Variants in ENOX2 observed in about 807,000 individuals in gnomAD.
ENOX2 encodes the protein APK1 antigen.
In ENOX2, 36 loss-of-function variants were observed where a neutral mutation model predicts 45.0. The observed-to-expected ratio is 0.80, with a 90% CI of 0.61 to 1.06. The LOEUF (loss-of-function observed/expected upper bound fraction) is 1.06, where lower values mean the gene tolerates loss of function less well. Among genes scored for constraint, ENOX2 ranks in the 50% least tolerant of loss-of-function variants. ENOX2 has a pLI of 0.00. For missense variants in ENOX2, 423 were observed against 462.5 expected, an observed-to-expected ratio of 0.91 and a Z score of 0.78; for synonymous variants, 174 against 152.3, an observed-to-expected ratio of 1.14 and a Z score of -1.05.
At chrX:130,678,678 T>C (rs1478246617) in intron 6 of ENOX2, among the ~76,000 whole-genome samples, 2 of 110,671 alleles carry the variant, frequency 1.8e-5, no homozygotes, top group Non-Finnish European at 3.8e-5. Context: ...ACCTTAACCT[T>C]TTTTATCTTC....
intron 10 of ENOX2, among the ~76,000 whole-genome samples, chrX:130,647,138 T>C (rs1191367131): frequency 8.9e-6 from 1 of 112,063 alleles, no homozygotes; most frequent in Non-Finnish European, 1.9e-5. Context: ...TAACTTCTCA[T>C]CCTGGAGAAA....
chrX:130,898,169 G>A (rs920549274), intron 2 of ENOX2, among the ~76,000 whole-genome samples: 9 of 110,653 alleles, frequency 8.1e-5, no homozygotes. Flanking sequence ...CATCACGCCC[G>A]GCTAATTTTT....
chrX:130,831,384 T>C, intron 2 of ENOX2, among the ~76,000 whole-genome samples: 1 of 111,745 alleles, frequency 8.9e-6, no homozygotes, highest in Non-Finnish European at 1.9e-5. Context: ...GCTTAAAATC[T>C]TTCTATGGAT....
intron 4 of ENOX2, among the ~76,000 whole-genome samples, chrX:130,695,948 A>G (rs1255081256): frequency 8.9e-6 from 1 of 111,853 alleles, no homozygotes; most frequent in African/African-American, 3.2e-5. Flanking sequence ...ATGATTCTGG[A>G]CTTCTCACCA....
intron 3 of ENOX2, among the ~76,000 whole-genome samples, chrX:130,751,764 C>T (rs926630884): frequency 1.8e-4 from 20 of 112,134 alleles, no homozygotes; most frequent in African/African-American, 6.1e-4. Flanking sequence ...TTAATGGATA[C>T]AAAGTGGTAT....
intron 1 of ENOX2, among the ~76,000 whole-genome samples, chrX:130,902,428 T>G (rs909567261): frequency 2.9e-4 from 32 of 110,261 alleles, no homozygotes; most frequent in Non-Finnish European, 5.7e-5. Flanking sequence ...CTTCTAGAAA[T>G]TGAGGGGAAA....
At chrX:130,798,062 T>C (rs2077162327) in intron 2 of ENOX2, among the ~76,000 whole-genome samples, 1 of 111,334 alleles carries the variant, frequency 9.0e-6, no homozygotes, top group African/African-American at 3.3e-5. Context: ...ATGCCTGGAC[T>C]CTACCACCAG....
chrX:130,803,167 T>A (rs1350113661), intron 2 of ENOX2, among the ~76,000 whole-genome samples: 3 of 112,286 alleles, frequency 2.7e-5, no homozygotes, highest in African/African-American at 9.7e-5. Flanking sequence ...GAGGGTCTTC[T>A]GATTTTTATT....
At chrX:130,853,989 G>C in intron 2 of ENOX2, among the ~76,000 whole-genome samples, 1 of 111,528 alleles carries the variant, frequency 9.0e-6, no homozygotes. Context: ...ATAAGATCCA[G>C]AGTCTTATAA....
chrX:130,876,964 T>G (rs989216308), intron 2 of ENOX2, among the ~76,000 whole-genome samples: 1 of 112,039 alleles, frequency 8.9e-6, no homozygotes, highest in African/African-American at 3.2e-5. Context: ...ATGGAGTAGA[T>G]ATAGGGAATA....
intron 14 of ENOX2, 136 bp from the exon 15 acceptor site, chrX:130,625,581 C>T (rs953427192): frequency 6.8e-6 from 4 of 587,155 alleles, no homozygotes; most frequent in Non-Finnish European, 1.0e-5. Flanking sequence ...CTGCTCCTTG[C>T]GCATTTGTGT....
At chrX:130,687,459 A>G (rs2037477963) in intron 5 of ENOX2, among the ~76,000 whole-genome samples, 1 of 112,756 alleles carries the variant, frequency 8.9e-6, no homozygotes, top group Non-Finnish European at 1.9e-5. Flanking sequence ...ATCTGAAAGC[A>G]ACATGCTGAA....
At chrX:130,725,740 G>A (rs908207150) in intron 3 of ENOX2, among the ~76,000 whole-genome samples, 2 of 111,409 alleles carry the variant, frequency 1.8e-5, no homozygotes, top group Non-Finnish European at 3.8e-5. Context: ...TTCTCAGGAA[G>A]CTGGATAGGA....
chrX:130,846,176 AG>A (rs1171505477), intron 2 of ENOX2, among the ~76,000 whole-genome samples: 5 of 111,555 alleles, frequency 4.5e-5, no homozygotes, highest in Non-Finnish European at 1.9e-5. Context: ...TTGAGAAATC[AG>A]GGTCTAACAA....
chrX:130,815,085 A>G lies in ENOX2; in HGVS notation c.-182-31395T>C, dbSNP rs1296076332. 3.6e-5 allele frequency among the ~76,000 whole-genome samples: 4 copies of G among 112,034 alleles called. No individual in the cohort carries two copies. The East Asian group carries it at 1.1e-3, about 31-fold the overall frequency. On this transcript the variant is annotated intron_variant, in intron 2 of 14. Coordinates refer to ENST00000394363, the MANE Select transcript of ENOX2 (RefSeq NM_006375.4). ...TGATGGAGCTGAAAAACACAGCACG[A>G]GAACTTCGTGAAGCATACACAAGTA...
intron 2 of ENOX2, among the ~76,000 whole-genome samples, chrX:130,864,608 G>C (rs1213395759): frequency 8.9e-6 from 1 of 112,328 alleles, no homozygotes. Flanking sequence ...AGTAGTTTAT[G>C]AGGGAATCCA....
At chrX:130,774,796 A>T (rs1335477979) in intron 3 of ENOX2, among the ~76,000 whole-genome samples, 1 of 112,419 alleles carries the variant, frequency 8.9e-6, no homozygotes, top group Non-Finnish European at 1.9e-5. Flanking sequence ...GTACATGAAG[A>T]AGTAAAATAT....
chrX:130,800,352 A>C (rs184600832), intron 2 of ENOX2, among the ~76,000 whole-genome samples: 105 of 110,731 alleles, frequency 9.5e-4, no homozygotes, highest in South Asian at 4.2e-3. Context: ...CAAAAAAAAA[A>C]AAAAAACTAA....
intron 2 of ENOX2, among the ~76,000 whole-genome samples, chrX:130,825,039 A>T (rs2077691988): frequency 9.0e-6 from 1 of 111,248 alleles, no homozygotes; most frequent in Admixed American, 9.6e-5. Context: ...ACACACATGC[A>T]CAAAATGACA....
Sources: allele counts gnomAD v4.1 joint callset (sites outside exome capture counted in the v4.1 genomes callset), GRCh38; gene constraint gnomAD v4.1.1; transcripts MANE v1.5; gene names NCBI Gene and HGNC (gene_info 2026-07-23, HGNC 2026-07-21).